VDAC1: variants seen among roughly 807,000 people sequenced by gnomAD.
The protein encoded by VDAC1 is voltage dependent anion channel 1.
In VDAC1, 10 loss-of-function variants were observed where a neutral mutation model predicts 34.7. The observed-to-expected ratio is 0.29, with a 90% CI of 0.18 to 0.49. The LOEUF (loss-of-function observed/expected upper bound fraction) is 0.49, where lower values mean the gene tolerates loss of function less well. Among genes scored for constraint, VDAC1 ranks in the 20% least tolerant of loss-of-function variants. VDAC1 has a pLI of 0.99. For synonymous variants in VDAC1, 130 were observed against 136.0 expected (o/e 0.96, Z 0.30); for missense variants, 230 against 347.9 (o/e 0.66, Z 2.69).
chr5:133,988,600 C>T (rs1203484032), intron 5 of VDAC1, among the ~76,000 whole-genome samples: 1 of 151,890 alleles, frequency 6.6e-6, no homozygotes, highest in African/African-American at 2.4e-5. Flanking sequence ...CCCGTCTCCA[C>T]TAAAAATACA....
chr5:134,010,964 A>G, the VDAC1 span, among the ~76,000 whole-genome samples: 12 of 138,570 alleles, frequency 8.7e-5, no homozygotes, highest in Admixed American at 8.2e-4. Flanking sequence ...CCCTACCCCC[A>G]TTCCCTTTTT....
intron 1 of VDAC1, among the ~76,000 whole-genome samples, chr5:134,000,571 G>A (rs1269149210): frequency 6.6e-6 from 1 of 152,190 alleles, no homozygotes; most frequent in Non-Finnish European, 1.5e-5. Flanking sequence ...GGTTGAGACA[G>A]ACAGTGCTTG....
At chr5:134,057,721 A>G in the VDAC1 span, among the ~76,000 whole-genome samples, 1 of 151,688 alleles carries the variant, frequency 6.6e-6, no homozygotes, top group African/African-American at 2.4e-5. Context: ...TGTCTTTTGA[A>G]TTTTAACAGG....
At chr5:134,086,907 G>A in the VDAC1 span, among the ~76,000 whole-genome samples, 2,814 of 152,210 alleles carry the variant, frequency 0.018, 73 homozygotes, top group East Asian at 0.11. Flanking sequence ...ATCATGGAGC[G>A]TTATCTGCAC....
At chr5:134,058,323 T>G in the VDAC1 span, among the ~76,000 whole-genome samples, 3 of 151,172 alleles carry the variant, frequency 2.0e-5, no homozygotes, top group African/African-American at 4.9e-5. Flanking sequence ...TGTTTTTTGT[T>G]TTTTTTTTGA....
At chr5:134,055,836 C>T in the VDAC1 span, among the ~76,000 whole-genome samples, 1 of 152,066 alleles carries the variant, frequency 6.6e-6, no homozygotes, top group Admixed American at 6.6e-5. Flanking sequence ...TTATCAGCCC[C>T]TTCCAGAGAC....
the VDAC1 span, among the ~76,000 whole-genome samples, chr5:134,050,993 G>A: frequency 5.3e-5 from 8 of 152,336 alleles, no homozygotes; most frequent in Admixed American, 4.6e-4. Context: ...GGGAGAGTTG[G>A]CAGTGTATTA....
the VDAC1 span, among the ~76,000 whole-genome samples, chr5:134,058,719 C>A: frequency 7.0e-6 from 1 of 143,162 alleles, no homozygotes; most frequent in African/African-American, 2.6e-5. Flanking sequence ...AGATAGGGAA[C>A]AGAGCAAAGA....
At chr5:134,053,377 G>A in the VDAC1 span, among the ~76,000 whole-genome samples, 1 of 152,156 alleles carries the variant, frequency 6.6e-6, no homozygotes, top group African/African-American at 2.4e-5. Context: ...CACCCACCAT[G>A]CCTGGGGATA....
chr5:134,088,157 A>AAAAACAAAACAAAAC, the VDAC1 span, among the ~76,000 whole-genome samples: 1 of 152,100 alleles, frequency 6.6e-6, no homozygotes, highest in African/African-American at 2.4e-5. Context: ...CCCTGTCTCA[A>AAAAACAAAACAAAAC]AAAACAAAAC....
At chr5:134,071,971 C>A in the VDAC1 span, among the ~76,000 whole-genome samples, 1 of 152,066 alleles carries the variant, frequency 6.6e-6, no homozygotes, top group Admixed American at 6.5e-5. This position sits in a 1 kb window ranked among gnomAD's most constrained non-coding sequence, Gnocchi z 4.1. Flanking sequence ...GGAGTTTACC[C>A]CCAGGGCTCC....
chr5:134,089,364 G>A, the VDAC1 span, among the ~76,000 whole-genome samples: 6 of 152,208 alleles, frequency 3.9e-5, no homozygotes, highest in Admixed American at 3.9e-4. Context: ...AGAAGCAGGT[G>A]GCTTCTTAGG....
chr5:134,002,050 G>T (rs1753579268), intron 1 of VDAC1, among the ~76,000 whole-genome samples: 1 of 152,106 alleles, frequency 6.6e-6, no homozygotes, highest in African/African-American at 2.4e-5. Flanking sequence ...GCTTCGGCTG[G>T]TCCTCAACCA....
intron 5 of VDAC1, among the ~76,000 whole-genome samples, chr5:133,985,145 T>A: frequency 6.6e-6 from 1 of 152,172 alleles, no homozygotes; most frequent in East Asian, 1.9e-4. Context: ...TTTGTAAGTC[T>A]CTATTAAATG....
At chr5:134,057,211 G>T in the VDAC1 span, among the ~76,000 whole-genome samples, 1 of 152,144 alleles carries the variant, frequency 6.6e-6, no homozygotes, top group Non-Finnish European at 1.5e-5. Context: ...TGGGCACGGT[G>T]GCTCATGCCT....
chr5:134,101,613 G>A, the VDAC1 span, among the ~76,000 whole-genome samples: 2 of 151,864 alleles, frequency 1.3e-5, no homozygotes, highest in African/African-American at 2.4e-5. Flanking sequence ...CACCGGCGTC[G>A]GCACAGGAGG....
At chr5:134,057,479 C>CAA in the VDAC1 span, among the ~76,000 whole-genome samples, 3 of 119,572 alleles carry the variant, frequency 2.5e-5, no homozygotes, top group Non-Finnish European at 3.5e-5. Context: ...GGCTCCGTCT[C>CAA]AAAAAAAAAA....
the VDAC1 span, among the ~76,000 whole-genome samples, chr5:134,023,360 C>T: frequency 6.6e-6 from 1 of 151,768 alleles, no homozygotes; most frequent in African/African-American, 2.4e-5. Flanking sequence ...GGACAAATAC[C>T]TAATGCATAC....
the VDAC1 span, among the ~76,000 whole-genome samples, chr5:134,079,747 C>G: frequency 2.0e-5 from 3 of 152,180 alleles, no homozygotes; most frequent in Non-Finnish European, 2.9e-5. Flanking sequence ...TGAGTTGCTG[C>G]CCCAGGCCTT....
Sources: gnomAD v4.1 joint callset for allele counts (sites outside exome capture counted in the v4.1 genomes callset) on GRCh38, gnomAD v4.1.1 for gene constraint, Gnocchi (gnomAD v3.1) non-coding constraint, MANE v1.5 for transcripts, NCBI Gene and HGNC (gene_info 2026-07-23, HGNC 2026-07-21) for gene names.